Variants in WNT9A observed in about 807,000 individuals in gnomAD.
WNT9A encodes Wnt family member 9A, also known as protein Wnt-9a.
Under a neutral mutation model 31.4 loss-of-function variants are expected in WNT9A, and 8 were observed. That is an observed-to-expected ratio of 0.26 (90% CI 0.15 to 0.46). WNT9A has a LOEUF of 0.46. Among genes scored for constraint, WNT9A ranks in the 20% least tolerant of loss-of-function variants. The probability of loss-of-function intolerance (pLI) is 0.99; values close to 1 mark genes in which losing one functional copy is unlikely to be tolerated. For missense variants in WNT9A, 457 were observed against 522.9 expected (o/e 0.87, Z 1.23); for synonymous variants, 236 against 220.1 (o/e 1.07, Z -0.64).
intron 1 of WNT9A, among the ~76,000 whole-genome samples, chr1:227,938,182 TA>T (rs571742821): frequency 6.6e-6 from 1 of 151,952 alleles, no homozygotes; most frequent in South Asian, 2.1e-4. Context: ...TTGACACTTA[TA>T]AAGTTAAATA....
chr1:227,940,129 CTG>C (rs1666668499), intron 1 of WNT9A, among the ~76,000 whole-genome samples: 1 of 149,814 alleles, frequency 6.7e-6, no homozygotes, highest in Non-Finnish European at 1.5e-5. Flanking sequence ...CCTGCCCTGT[CTG>C]TGTCTGCAGC....
intron 2 of WNT9A, 141 bp from the exon 3 acceptor site, chr1:227,924,541 T>A: frequency 7.7e-7 from 1 of 1,300,730 alleles, no homozygotes; most frequent in Non-Finnish European, 1.0e-6. Context: ...CGGGACAGGG[T>A]GTGGGTGTGC....
chr1:227,929,063 G>A (rs1023964860), intron 1 of WNT9A, among the ~76,000 whole-genome samples: 1 of 152,026 alleles, frequency 6.6e-6, no homozygotes, highest in Admixed American at 6.6e-5. Context: ...CAAAGGAACC[G>A]ACTGAAGACA....
chr1:227,940,847 C>A (rs901413029), intron 1 of WNT9A, among the ~76,000 whole-genome samples: 8 of 152,258 alleles, frequency 5.3e-5, no homozygotes, highest in African/African-American at 1.4e-4. Context: ...GGGCAACAGG[C>A]TCCTGGGAGG....
chr1:227,929,704 C>T (rs1354183221), intron 1 of WNT9A, among the ~76,000 whole-genome samples: 1 of 152,216 alleles, frequency 6.6e-6, no homozygotes, highest in Non-Finnish European at 1.5e-5. Context: ...CGCAGTGGTG[C>T]ATGCCTGTGG....
chr1:227,924,011 G>A lies in WNT9A; in HGVS notation c.615+127C>T, dbSNP rs1572124117. 2.2e-6 allele frequency: 3 copies of A among 1,340,316 alleles called. No homozygotes were observed. The East Asian group carries it at 7.6e-5, about 34-fold the overall frequency. 83.0% of individuals were successfully genotyped at this position (1,340,316 alleles called of 1,614,324 possible). On this transcript the variant is annotated intron_variant, in intron 3 of 3. Transcript: ENST00000272164. ...GCTGCACGGCCTCCACCCTCCTACA[G>A]GAGGCCACTCCACTGTGTGCCTGCC...
Position 227,928,924 on chromosome 1 carries a change from A to G in WNT9A, c.96-3405T>C, listed in dbSNP as rs1666463968. Among the ~76,000 whole-genome samples, 1 of 152,260 alleles carries G rather than the reference A, an allele frequency of 6.6e-6. No homozygotes were observed. The highest frequency in any genetic ancestry group is 1.5e-5 in the Non-Finnish European group (1 of 68,052). ...GCAAAGAACAAAAAAGAGGCAGCGC[A>G]GAGTCCAGAGACCAACAGACAAATT... On this transcript the variant is annotated intron_variant, in intron 1 of 3. Transcript: ENST00000272164. The surrounding 1 kb of genome is among the most constrained non-coding windows in gnomAD (Gnocchi z 4.5).
At chr1:227,922,865 G>A (rs1282550396) in intron 3 of WNT9A, among the ~76,000 whole-genome samples, 2 of 151,896 alleles carry the variant, frequency 1.3e-5, no homozygotes, top group Non-Finnish European at 2.9e-5. Flanking sequence ...GCCGGCTCAA[G>A]GAGGATTAAG....
chr1:227,944,121 T>C (rs1486384578), intron 1 of WNT9A, among the ~76,000 whole-genome samples: 1 of 152,038 alleles, frequency 6.6e-6, no homozygotes, highest in Non-Finnish European at 1.5e-5. Context: ...AGCCAAACAG[T>C]GGAAGTGATC....
Position 227,921,776 on chromosome 1 carries a change from G to A in WNT9A, c.840C>T (p.Ser280=), listed in dbSNP as rs182550849. The A allele has an allele frequency of 1.3e-5, 21 of 1,612,240 alleles. No individual in the cohort carries two copies. In the African/African-American group the frequency reaches 2.3e-4, roughly 17 times the overall value. ...GCTCTGGAGTGCGGGGCAGCGGGTC[G>A]CTGCCACCTGCCCCCGAGGCACGGC... ...PRGRASGAGG[S]DPLPRTPELV... Residue 280 remains serine (S), a synonymous_variant, in exon 4 of 4, where the codon AGC becomes AGT. Coordinates refer to ENST00000272164, the MANE Select transcript of WNT9A (RefSeq NM_003395.4).
At chr1:227,935,216 A>G (rs542492584) in intron 1 of WNT9A, among the ~76,000 whole-genome samples, 2 of 146,114 alleles carry the variant, frequency 1.4e-5, no homozygotes, top group South Asian at 2.2e-4. Flanking sequence ...CAGACCCCAG[A>G]TCACACCCCC....
intron 3 of WNT9A, among the ~76,000 whole-genome samples, chr1:227,922,552 G>A (rs1666341104): frequency 6.6e-6 from 1 of 152,228 alleles, no homozygotes; most frequent in Non-Finnish European, 1.5e-5. Flanking sequence ...GGGGGCCAGT[G>A]AAGGCACCAC....
At chr1:227,935,272 G>T (rs1041104502) in intron 1 of WNT9A, among the ~76,000 whole-genome samples, 2 of 151,748 alleles carry the variant, frequency 1.3e-5, no homozygotes, top group African/African-American at 4.8e-5. Context: ...CACCATACAG[G>T]GCCTGAGTCA....
At position 227,943,764 on chromosome 1, in the gene WNT9A, C is replaced by T. The variant is rs140433843; in HGVS notation, c.95+4029G>A. On this transcript the variant is annotated intron_variant, in intron 1 of 3. Coordinates refer to ENST00000272164, the MANE Select transcript of WNT9A (RefSeq NM_003395.4). ...GCTGACGTGGGAGATCCCTTGAGCC[C>T]AGGAGTTCAAAATCAGCCTGGACAG... Among the ~76,000 whole-genome samples, 910 of 152,258 alleles carry T rather than the reference C, an allele frequency of 6.0e-3. 7 individuals are homozygous for T. The highest frequency in any genetic ancestry group is 0.02 in the African/African-American group (848 of 41,548).
intron 1 of WNT9A, among the ~76,000 whole-genome samples, chr1:227,938,076 C>T (rs1051818963): frequency 2.0e-5 from 3 of 152,140 alleles, no homozygotes; most frequent in Non-Finnish European, 4.4e-5. Flanking sequence ...TTACTATGCA[C>T]CCTCATCCCA....
rs895152211 is a variant in WNT9A at position 227,920,776 on chromosome 1, T to C, written c.*742A>G. On this transcript the variant is annotated 3_prime_UTR_variant, in exon 4 of 4. Transcript: ENST00000272164. ...GCATGGGGAGCCGCTTCCCAGGGAC[T>C]GGTGTGTTAGGGATGGGAGAAAGCT... 2.0e-5 allele frequency: 3 copies of C among 152,150 alleles called. No homozygotes were observed. The highest frequency in any genetic ancestry group is 7.2e-5 in the African/African-American group (3 of 41,404). The allele number at this position is 152,150 out of a possible 1,614,324, so 9.4% of individuals were successfully genotyped here. A position where few individuals can be genotyped will look rare whatever the true frequency, so the allele number is the denominator to read the frequency against.
In WNT9A at chr1:227,947,896, GC is replaced by G; in HGVS notation, c.-10del. 1 of 1,063,824 alleles carries G rather than the reference GC, an allele frequency of 9.4e-7. No homozygotes were observed. The allele number at this position is 1,063,824 out of a possible 1,614,324, so 65.9% of individuals were successfully genotyped here. A position where few individuals can be genotyped will look rare whatever the true frequency, so the allele number is the denominator to read the frequency against. On this transcript the variant is annotated 5_prime_UTR_variant, in exon 1 of 4. Transcript: ENST00000272164. ...GGGGACCCATCCAGCATCTTGCCGC[GC>G]CTCGGCGGCCGACCATCGCGCTCCC...
At chr1:227,935,578 G>A (rs562319652) in intron 1 of WNT9A, among the ~76,000 whole-genome samples, 2 of 152,310 alleles carry the variant, frequency 1.3e-5, no homozygotes, top group East Asian at 3.9e-4. Flanking sequence ...CTCTTACAGG[G>A]AAATTAGACT....
intron 1 of WNT9A, chr1:227,941,716 G>C (rs533187561): frequency 6.1e-4 from 93 of 153,226 alleles, no homozygotes; most frequent in African/African-American, 2.2e-3. Flanking sequence ...AGAAGGCATG[G>C]GGTCTGGGGA....
Sources: gnomAD v4.1 joint callset for allele counts (sites outside exome capture counted in the v4.1 genomes callset) on GRCh38, gnomAD v4.1.1 for gene constraint, Gnocchi (gnomAD v3.1) non-coding constraint, MANE v1.5 for transcripts, NCBI Gene and HGNC (gene_info 2026-07-23, HGNC 2026-07-21) for gene names.